PLGRKT: variants seen among roughly 807,000 people sequenced by gnomAD.
PLGRKT encodes the protein plasminogen receptor with a C-terminal lysine, also known as plasminogen receptor (KT).
A neutral mutation model predicts 18.5 loss-of-function variants in PLGRKT; 22 were observed. The ratio of observed to expected loss-of-function variants is 1.19; its 90% CI spans 0.85 to 1.70. PLGRKT has a LOEUF of 1.70. Among genes scored for constraint, PLGRKT ranks in the 40% most tolerant of loss-of-function variants. The pLI is 0.00. For missense variants in PLGRKT, 235 were observed against 174.4 expected, an observed-to-expected ratio of 1.35 and a Z score of -1.96; for synonymous variants, 72 against 52.8, an observed-to-expected ratio of 1.36 and a Z score of -1.58.
chr9:5,382,621 C>T (rs1231241218), intron 3 of PLGRKT, among the ~76,000 whole-genome samples: 2 of 152,150 alleles, frequency 1.3e-5, no homozygotes, highest in East Asian at 3.8e-4. Flanking sequence ...GCAAGCCATG[C>T]TAAAGATGTT....
At chr9:5,433,959 G>T (rs967797842) in intron 2 of PLGRKT, among the ~76,000 whole-genome samples, 1 of 128,478 alleles carries the variant, frequency 7.8e-6, no homozygotes, top group South Asian at 2.6e-4. Context: ...CCCCGTCTGG[G>T]AGGAAGTGAG....
chr9:5,428,489 C>G, intron 3 of PLGRKT, among the ~76,000 whole-genome samples: 1 of 152,166 alleles, frequency 6.6e-6, no homozygotes, highest in East Asian at 1.9e-4. Context: ...CCAGCAAAGG[C>G]TGAAATAATG....
chr9:5,379,561 T>C (rs1294679498), intron 3 of PLGRKT, among the ~76,000 whole-genome samples: 1 of 152,180 alleles, frequency 6.6e-6, no homozygotes, highest in Non-Finnish European at 1.5e-5. Context: ...GCCTATCATA[T>C]TTATATATAT....
chr9:5,390,715 T>C (rs1817935067), intron 3 of PLGRKT, among the ~76,000 whole-genome samples: 1 of 151,798 alleles, frequency 6.6e-6, no homozygotes, highest in South Asian at 2.1e-4. Flanking sequence ...CACTCCTACC[T>C]TGCAAGGCTG....
At chr9:5,375,987 A>G (rs199974783) in intron 3 of PLGRKT, among the ~76,000 whole-genome samples, 1 of 152,250 alleles carries the variant, frequency 6.6e-6, no homozygotes, top group African/African-American at 2.4e-5. Flanking sequence ...AACAAAATGT[A>G]CATATACACA....
chr9:5,396,986 T>C (rs917863929), intron 3 of PLGRKT, among the ~76,000 whole-genome samples: 1 of 152,000 alleles, frequency 6.6e-6, no homozygotes, highest in East Asian at 1.9e-4. Flanking sequence ...AAGGCAAACA[T>C]AAGACTATTC....
upstream of PLGRKT, among the ~76,000 whole-genome samples, chr9:5,438,249 C>G (rs1819001108): frequency 6.6e-6 from 1 of 152,204 alleles, no homozygotes; most frequent in Non-Finnish European, 1.5e-5. Flanking sequence ...TTCTCCCCTG[C>G]TGCTCAGAGA....
At chr9:5,419,262 G>A (rs1031785463) in intron 3 of PLGRKT, among the ~76,000 whole-genome samples, 3 of 152,202 alleles carry the variant, frequency 2.0e-5, no homozygotes, top group Admixed American at 6.5e-5. Context: ...GGAAAACATT[G>A]CAATATGATT....
intron 3 of PLGRKT, among the ~76,000 whole-genome samples, chr9:5,380,305 C>T (rs1222542238): frequency 6.7e-6 from 1 of 149,950 alleles, no homozygotes; most frequent in Non-Finnish European, 1.5e-5. Flanking sequence ...GTGGAGCTTG[C>T]ACAGTGAGCC....
intron 3 of PLGRKT, chr9:5,382,078 T>TA (rs1357415447): frequency 1.2e-6 from 1 of 861,572 alleles, no homozygotes; most frequent in Non-Finnish European, 1.4e-6. Context: ...GTTTTATTCT[T>TA]AGAGAAATTC....
chr9:5,388,786 C>T (rs971149450), intron 3 of PLGRKT, among the ~76,000 whole-genome samples: 6 of 152,036 alleles, frequency 3.9e-5, no homozygotes, highest in Non-Finnish European at 8.8e-5. Flanking sequence ...TCAGTTTCCT[C>T]GTCTACAAAG....
chr9:5,413,905 A>T (rs1818410903), intron 3 of PLGRKT, among the ~76,000 whole-genome samples: 1 of 152,212 alleles, frequency 6.6e-6, no homozygotes, highest in South Asian at 2.1e-4. Context: ...AGTGGTTTCC[A>T]GGATATACTG....
At chr9:5,385,075 C>T (rs545982761) in intron 3 of PLGRKT, among the ~76,000 whole-genome samples, 4 of 152,090 alleles carry the variant, frequency 2.6e-5, no homozygotes, top group African/African-American at 7.2e-5. Context: ...TCATGTGGGA[C>T]CTTCCAGGCC....
chr9:5,433,567 C>T (rs1364387772), intron 2 of PLGRKT, among the ~76,000 whole-genome samples: 77 of 132,488 alleles, frequency 5.8e-4, no homozygotes, highest in South Asian at 1.8e-3. Context: ...TGCCTCTGCC[C>T]GGCTGCCCCG....
At chr9:5,393,293 G>C (rs1381384794) in intron 3 of PLGRKT, among the ~76,000 whole-genome samples, 1 of 151,644 alleles carries the variant, frequency 6.6e-6, no homozygotes, top group Non-Finnish European at 1.5e-5. Flanking sequence ...TAGCTAGTTG[G>C]AAAAATGAAC....
chr9:5,432,724 CT>C, intron 2 of PLGRKT, among the ~76,000 whole-genome samples: 1 of 152,352 alleles, frequency 6.6e-6, no homozygotes, highest in East Asian at 1.9e-4. Context: ...TCTCGAGCTC[CT>C]GGCCTCGGGT....
chr9:5,386,772 T>C (rs956134000), intron 3 of PLGRKT, among the ~76,000 whole-genome samples: 1 of 151,896 alleles, frequency 6.6e-6, no homozygotes, highest in East Asian at 1.9e-4. Context: ...CACCCATAAT[T>C]ATCCTCTGAG....
At chr9:5,409,362 G>C (rs532213715) in intron 3 of PLGRKT, among the ~76,000 whole-genome samples, 1 of 152,184 alleles carries the variant, frequency 6.6e-6, no homozygotes, top group East Asian at 1.9e-4. Context: ...AGGTTAGACT[G>C]GCGTAGCCTC....
At chr9:5,388,504 T>G (rs1418896826) in intron 3 of PLGRKT, among the ~76,000 whole-genome samples, 7 of 152,058 alleles carry the variant, frequency 4.6e-5, no homozygotes, top group Non-Finnish European at 7.3e-5. Flanking sequence ...ATCATATTTC[T>G]GCATTGAAGA....
Sources: gnomAD v4.1 joint callset for allele counts (sites outside exome capture counted in the v4.1 genomes callset) on GRCh38, gnomAD v4.1.1 for gene constraint, MANE v1.5 for transcripts, NCBI Gene and HGNC (gene_info 2026-07-23, HGNC 2026-07-21) for gene names.